The following RHPN1 variants were observed in gnomAD, a reference collection of about 807,000 sequenced individuals.
RHPN1 encodes the protein rhophilin-1.
Under a neutral mutation model 74.7 loss-of-function variants are expected in RHPN1, and 77 were observed. That is an observed-to-expected ratio of 1.03 (90% CI 0.86 to 1.25). The LOEUF (loss-of-function observed/expected upper bound fraction) is 1.25. Ranked by LOEUF, RHPN1 falls within the 50% of genes most tolerant of loss-of-function variation. The probability of loss-of-function intolerance (pLI) is 0.00; values close to 1 mark genes in which losing one functional copy is unlikely to be tolerated. For synonymous variants in RHPN1, 444 were observed against 414.5 expected (o/e 1.07, Z -0.87); for missense variants, 987 against 932.2 (o/e 1.06, Z -0.77).
upstream of RHPN1, chr8:143,366,834 G>GTAAT (rs1382849732): frequency 6.6e-6 from 1 of 152,224 alleles, no homozygotes; most frequent in Non-Finnish European, 1.5e-5. Context: ...CACTGATATG[G>GTAAT]TAATGCCTCC....
In RHPN1 at chr8:143,379,074, C is replaced by T. The variant is rs941760356; in HGVS notation, c.747C>T (p.Ala249=). Residue 249 remains alanine, a synonymous_variant, in exon 7 of 15, where the codon GCC becomes GCT. Coordinates refer to ENST00000289013, the MANE Select transcript of RHPN1 (RefSeq NM_052924.3). ...GCGCTATGGAGGCCTTCCAGAGGGC[C>T]GCTGGTGAGGGCGGCCCGGGCCGCG... is the stretch of plus-strand genomic sequence containing the variant. ...ARRAMEAFQR[A]AGAFSLLREN... 36 of 1,515,556 alleles carry T rather than the reference C, an allele frequency of 2.4e-5. No individual in the cohort carries two copies. Among genetic ancestry groups the T allele is most frequent in the South Asian group, 3.7e-5 (3 of 80,490 alleles). 93.9% of individuals were successfully genotyped at this position (1,515,556 alleles called of 1,614,324 possible).
chr8:143,370,913 G>A (rs1455005671), intron 1 of RHPN1, among the ~76,000 whole-genome samples: 1 of 152,216 alleles, frequency 6.6e-6, no homozygotes, highest in African/African-American at 2.4e-5. Flanking sequence ...CAGAGGGAGA[G>A]CGTTGGAGCA....
intron 1 of RHPN1, 58 bp downstream of exon 1, chr8:143,369,105 C>T (rs1023158691): frequency 3.7e-6 from 5 of 1,335,786 alleles, no homozygotes; most frequent in East Asian, 3.0e-5. Context: ...CCTTTTCCTG[C>T]CCCCCCTCGA....
intron 11 of RHPN1, 93 bp downstream of exon 11, chr8:143,380,876 C>A: frequency 9.6e-7 from 1 of 1,038,908 alleles, no homozygotes; most frequent in Non-Finnish European, 1.4e-6. Context: ...ATTAAAGATG[C>A]AGTCACCACG....
intron 1 of RHPN1, among the ~76,000 whole-genome samples, chr8:143,375,336 C>T (rs1395835827): frequency 6.6e-6 from 1 of 152,250 alleles, no homozygotes; most frequent in East Asian, 1.9e-4. Context: ...CCACCGACCA[C>T]GTCCTTCTGC....
chr8:143,378,904 C>T lies in RHPN1; in HGVS notation c.585-8C>T. 1 of 1,583,420 alleles carries T rather than the reference C, an allele frequency of 6.3e-7. No individual in the cohort carries two copies. The highest frequency in any genetic ancestry group is 8.6e-7 in the Non-Finnish European group (1 of 1,166,570). On this transcript the variant is annotated splice_region_variant and splice_polypyrimidine_tract_variant and intron_variant, in intron 6 of 14. Coordinates refer to ENST00000289013, the MANE Select transcript of RHPN1 (RefSeq NM_052924.3). Reference sequence around the variant, plus strand: ...GGGAACTCCACCCAGCCTGACCCAACACTGCAGGTACGACTCGCTTACTGG... The same window carrying T: ...GGGAACTCCACCCAGCCTGACCCAATACTGCAGGTACGACTCGCTTACTGG...
Position 143,380,795 on chromosome 8 carries a change from G to C in RHPN1, c.1411+12G>C. The C allele has an allele frequency of 2.6e-6, 4 of 1,532,884 alleles. No homozygotes were observed. Among genetic ancestry groups the C allele is most frequent in the Non-Finnish European group, 3.5e-6 (4 of 1,133,714 alleles). The allele number at this position is 1,532,884 out of a possible 1,614,324, so 95.0% of individuals were successfully genotyped here. On this transcript the variant is annotated intron_variant, in intron 11 of 14. Transcript: ENST00000289013. ...CCCGGACATCCAGCGTGAGCAGCCAGGGCCTGTCTGGGTGGCTGCATCCCT... is the reference window on the plus strand; with the variant it reads ...CCCGGACATCCAGCGTGAGCAGCCACGGCCTGTCTGGGTGGCTGCATCCCT...
At chr8:143,375,407 C>T (rs1464046236) in intron 1 of RHPN1, 146 bp from the exon 2 acceptor site, 2 of 584,014 alleles carry the variant, frequency 3.4e-6, no homozygotes, top group Non-Finnish European at 5.9e-6. Flanking sequence ...TGTCCAGCCC[C>T]TCCCTGTGAG....
rs920118923 is a variant in RHPN1, at chr8:143,380,684, G to A, written c.1312G>A (p.Ala438Thr). Reference protein sequence around the residue: ...RVLREVDLLRAVISQTLQRSL... With the variant: ...RVLREVDLLRTVISQTLQRSL... ...CCTGCGCGAGGTGGACCTGCTTCGG[G>A]CTGTGATCTCCCAGACGCTGCAGCG... The change falls in exon 11 of 15, where the codon GCT becomes ACT. Residue 438 changes from alanine (A) to threonine (T), a missense_variant. Transcript: ENST00000289013. The A allele has an allele frequency of 6.3e-7, 1 of 1,582,140 alleles. No individual in the cohort carries two copies. Among genetic ancestry groups the A allele is most frequent in the Non-Finnish European group, 8.6e-7 (1 of 1,164,704 alleles).
intron 1 of RHPN1, among the ~76,000 whole-genome samples, chr8:143,372,636 C>T (rs1163104458): frequency 2.6e-5 from 4 of 151,816 alleles, no homozygotes; most frequent in South Asian, 2.1e-4. Flanking sequence ...TCCCTCCCTC[C>T]GGCCCCTAAG....
At chr8:143,364,623 A>G (rs932880967), upstream of RHPN1, among the ~76,000 whole-genome samples, 11 of 151,986 alleles carry the variant, frequency 7.2e-5, no homozygotes, top group East Asian at 2.1e-3. The surrounding 1 kb of genome is among the most constrained non-coding windows in gnomAD (Gnocchi z 4.5). Context: ...TTATTTTCAA[A>G]TAAGAATAAA....
At chr8:143,375,340 C>T (rs2130565381) in intron 1 of RHPN1, among the ~76,000 whole-genome samples, 2 of 152,376 alleles carry the variant, frequency 1.3e-5, no homozygotes, top group Middle Eastern at 6.8e-3. Flanking sequence ...CGACCACGTC[C>T]TTCTGCATTG....
upstream of RHPN1, chr8:143,367,437 A>T (rs1263719112): frequency 6.6e-6 from 1 of 152,464 alleles, no homozygotes; most frequent in African/African-American, 2.4e-5. Flanking sequence ...TGGAGGCTGC[A>T]GTGAGCTGTG....
intron 8 of RHPN1, 43 bp from the exon 9 acceptor site, chr8:143,379,786 G>A (rs1818574405): frequency 6.4e-7 from 1 of 1,572,572 alleles, no homozygotes; most frequent in Non-Finnish European, 8.6e-7. Context: ...GGCACCACCT[G>A]GAGAGTGGGA....
At chr8:143,378,619 C>A in intron 5 of RHPN1, 77 bp from the exon 6 acceptor site, 1 of 1,506,034 alleles carries the variant, frequency 6.6e-7, no homozygotes, top group Non-Finnish European at 8.9e-7. Flanking sequence ...GGTGCTGGTG[C>A]CCATGGGACT....
rs1321166894 is a variant in RHPN1 at position 143,372,459 on chromosome 8, G to A, written c.61-3094G>A. The stretch of plus-strand genomic sequence containing the variant: ...GAGGAGGCGGGAGTGAGAAACGGGA[G>A]CAGGGTGAGGGTTCCCAAGTGCACA... On this transcript the variant is annotated intron_variant, in intron 1 of 14. Coordinates refer to ENST00000289013, the MANE Select transcript of RHPN1 (RefSeq NM_052924.3). Among the ~76,000 whole-genome samples, 3 of 152,270 alleles carry A rather than the reference G, an allele frequency of 2.0e-5. No homozygotes were observed. In the East Asian group the frequency reaches 5.8e-4, roughly 30 times the overall value.
intron 4 of RHPN1, 32 bp downstream of exon 4, chr8:143,377,487 C>T (rs767581681): frequency 3.1e-5 from 48 of 1,534,746 alleles, no homozygotes; most frequent in Middle Eastern, 1.7e-4. Context: ...CTGAGATACA[C>T]GGCCCTGCCC....
In RHPN1 at chr8:143,381,555, C is replaced by T. The variant is rs751964534; in HGVS notation, c.1489-17C>T. On this transcript the variant is annotated splice_polypyrimidine_tract_variant and intron_variant, in intron 12 of 14. Coordinates refer to ENST00000289013, the MANE Select transcript of RHPN1 (RefSeq NM_052924.3). ...TGTGTGGCCCAGCTGGGCCTCTGAC[C>T]TCTGAGCCCCTGCCAGGGGCCCCTG... The T allele has an allele frequency of 6.2e-7, 1 of 1,601,696 alleles. No individual in the cohort carries two copies.
At chr8:143,382,319 C>G in intron 14 of RHPN1, 117 bp from the exon 15 acceptor site, 1 of 907,208 alleles carries the variant, frequency 1.1e-6, no homozygotes, top group Non-Finnish European at 1.7e-6. Context: ...TGGGAGCCCC[C>G]AAACAAGCCC....
Sources: gnomAD v4.1 joint callset for allele counts (sites outside exome capture counted in the v4.1 genomes callset) on GRCh38, gnomAD v4.1.1 for gene constraint, Gnocchi (gnomAD v3.1) non-coding constraint, MANE v1.5 for transcripts, NCBI Gene and HGNC (gene_info 2026-07-23, HGNC 2026-07-21) for gene names.